PCDH9: variants seen among roughly 807,000 people sequenced by gnomAD.
The protein encoded by PCDH9 is protocadherin-9.
Under a neutral mutation model 70.6 loss-of-function variants are expected in PCDH9, and 24 were observed. The ratio of observed to expected loss-of-function variants is 0.34; its 90% confidence interval spans 0.25 to 0.48. PCDH9 has a LOEUF of 0.48. Among genes scored for constraint, PCDH9 ranks in the 20% least tolerant of loss-of-function variants. The pLI, the probability that PCDH9 is intolerant of heterozygous loss-of-function variation, is 0.99. For missense variants in PCDH9, 1,281 were observed against 1,503.6 expected, an observed-to-expected ratio of 0.85 and a Z score of 2.45; for synonymous variants, 562 against 558.5, an observed-to-expected ratio of 1.01 and a Z score of -0.09.
intron 3 of PCDH9, among the ~76,000 whole-genome samples, chr13:66,800,334 T>G (rs553147449): frequency 1.3e-5 from 2 of 152,122 alleles, no homozygotes; most frequent in African/African-American, 2.4e-5. Context: ...TCAACTCCTC[T>G]TCAGCAAAAC....
At chr13:66,374,253 G>A (rs1038611719) in intron 4 of PCDH9, among the ~76,000 whole-genome samples, 1 of 151,990 alleles carries the variant, frequency 6.6e-6, no homozygotes, top group African/African-American at 2.4e-5. Flanking sequence ...CTTGCTGCAT[G>A]CTATTATTAA....
chr13:66,521,829 A>G (rs1960003030), intron 4 of PCDH9, among the ~76,000 whole-genome samples: 1 of 152,074 alleles, frequency 6.6e-6, no homozygotes. Flanking sequence ...TAACCTTAGT[A>G]TATCTATGAA....
At chr13:66,441,314 T>A (rs983379377) in intron 4 of PCDH9, among the ~76,000 whole-genome samples, 1 of 152,176 alleles carries the variant, frequency 6.6e-6, no homozygotes, top group East Asian at 1.9e-4. Context: ...ACCAGAGCTA[T>A]AGACAAATTT....
At chr13:66,515,590 G>A (rs982255859) in intron 4 of PCDH9, among the ~76,000 whole-genome samples, 4 of 151,800 alleles carry the variant, frequency 2.6e-5, no homozygotes, top group South Asian at 2.1e-4. Flanking sequence ...ATTAGCAACC[G>A]GAAGCAAATA....
chr13:67,143,286 C>G (rs2087441670), intron 2 of PCDH9, among the ~76,000 whole-genome samples: 1 of 152,094 alleles, frequency 6.6e-6, no homozygotes, highest in Non-Finnish European at 1.5e-5. Context: ...CCAAACTGAG[C>G]TTCACAACAA....
At chr13:66,518,820 A>T (rs1959860304) in intron 4 of PCDH9, among the ~76,000 whole-genome samples, 1 of 152,200 alleles carries the variant, frequency 6.6e-6, no homozygotes, top group South Asian at 2.1e-4. Context: ...AGGGAATTTT[A>T]AAACTTTTCG....
intron 4 of PCDH9, among the ~76,000 whole-genome samples, chr13:66,438,684 C>A (rs916391484): frequency 1.3e-5 from 2 of 152,178 alleles, no homozygotes; most frequent in East Asian, 3.9e-4. Context: ...ACATAACACT[C>A]CTTATCTCTT....
chr13:66,920,292 T>G (rs963601521), intron 2 of PCDH9, among the ~76,000 whole-genome samples: 8 of 151,114 alleles, frequency 5.3e-5, no homozygotes, highest in South Asian at 4.2e-4. Flanking sequence ...ATTGAATAGG[T>G]TTCCAGGTAA....
At chr13:66,778,569 G>C (rs1319408217) in intron 3 of PCDH9, among the ~76,000 whole-genome samples, 1 of 152,174 alleles carries the variant, frequency 6.6e-6, no homozygotes, top group Non-Finnish European at 1.5e-5. Context: ...AAATAGTGAA[G>C]AAGTAATTGC....
chr13:66,681,065 C>T (rs937738519), intron 3 of PCDH9, among the ~76,000 whole-genome samples: 14 of 151,956 alleles, frequency 9.2e-5, no homozygotes, highest in Admixed American at 4.6e-4. Context: ...CTACTTCATT[C>T]ACTTCAGAAA....
chr13:66,431,318 A>T (rs1408889187), intron 4 of PCDH9, among the ~76,000 whole-genome samples: 1 of 152,100 alleles, frequency 6.6e-6, no homozygotes, highest in Non-Finnish European at 1.5e-5. Flanking sequence ...TTGGTACATC[A>T]ATACTACAAG....
At chr13:66,826,885 C>G (rs2080833312) in intron 3 of PCDH9, among the ~76,000 whole-genome samples, 1 of 152,106 alleles carries the variant, frequency 6.6e-6, no homozygotes, top group African/African-American at 2.4e-5. Flanking sequence ...TTGGTTTCAG[C>G]AGAGCAATTC....
chr13:66,622,676 G>A (rs1258203854), intron 4 of PCDH9, among the ~76,000 whole-genome samples: 1 of 152,124 alleles, frequency 6.6e-6, no homozygotes, highest in African/African-American at 2.4e-5. Context: ...GATTGTAAAC[G>A]CACCAATCAG....
intron 2 of PCDH9, among the ~76,000 whole-genome samples, chr13:66,966,002 G>A (rs1433095381): frequency 6.6e-6 from 1 of 151,970 alleles, no homozygotes; most frequent in Non-Finnish European, 1.5e-5. Context: ...AAATCTTTTT[G>A]AAATTGTTCT....
At chr13:66,713,330 T>C (rs768363319) in intron 3 of PCDH9, among the ~76,000 whole-genome samples, 3 of 151,976 alleles carry the variant, frequency 2.0e-5, no homozygotes, top group African/African-American at 7.2e-5. Flanking sequence ...TATTTTTAAA[T>C]AAAAATATTA....
intron 2 of PCDH9, among the ~76,000 whole-genome samples, chr13:67,156,226 A>T (rs764425191): frequency 6.6e-6 from 1 of 152,080 alleles, no homozygotes; most frequent in Non-Finnish European, 1.5e-5. Flanking sequence ...GTGACTATAA[A>T]AACCTGAGAC....
At chr13:66,688,043 G>C (rs4884687) in intron 3 of PCDH9, among the ~76,000 whole-genome samples, 48,709 of 151,788 alleles carry the variant, frequency 0.32, 8,545 homozygotes, top group East Asian at 0.51. Context: ...TACCCAAATC[G>C]CAAGCCTCTT....
In PCDH9 at chr13:66,539,879, T is replaced by G. The variant is rs1200777254; in HGVS notation, c.3340+91331A>C. On this transcript the variant is annotated intron_variant, in intron 4 of 4. Transcript: ENST00000377865. Reference sequence around the variant, plus strand: ...TTATTTTCTTTTTTTCCTTTTTTTTTTTTTTTTTTGAGACAAGGTCTTGCT... The same window carrying G: ...TTATTTTCTTTTTTTCCTTTTTTTTGTTTTTTTTTGAGACAAGGTCTTGCT... Among the ~76,000 whole-genome samples the G allele has an allele frequency of 7.6e-5, 11 of 145,560 alleles. No individual in the cohort carries two copies. In the East Asian group the frequency reaches 2.2e-3, roughly 29 times the overall value.
At chr13:66,574,481 C>A (rs1296436261) in intron 4 of PCDH9, among the ~76,000 whole-genome samples, 2 of 152,134 alleles carry the variant, frequency 1.3e-5, no homozygotes. Context: ...TTTACATGCT[C>A]CTTTAAAATG....
Sources: allele counts gnomAD v4.1 joint callset (sites outside exome capture counted in the v4.1 genomes callset), GRCh38; gene constraint gnomAD v4.1.1; transcripts MANE v1.5; gene names NCBI Gene and HGNC (gene_info 2026-07-23, HGNC 2026-07-21).